ASIC2: variants seen among roughly 807,000 people sequenced by gnomAD.
ASIC2 encodes acid-sensing ion channel 2.
Under a neutral mutation model 57.3 loss-of-function variants are expected in ASIC2, and 25 were observed. That is an observed-to-expected ratio of 0.44 (90% CI 0.32 to 0.61). ASIC2 has a LOEUF of 0.61. Ranked by LOEUF, ASIC2 falls within the 20% of genes least tolerant of loss-of-function variation. ASIC2 has a pLI of 0.06. For missense variants in ASIC2, 641 were observed against 738.1 expected (o/e 0.87, Z 1.52); for synonymous variants, 319 against 307.5 (o/e 1.04, Z -0.39).
intron 1 of ASIC2, among the ~76,000 whole-genome samples, chr17:33,379,025 A>AT (rs1776485886): frequency 6.6e-6 from 1 of 152,230 alleles, no homozygotes. Flanking sequence ...CATACTTTGT[A>AT]ACTAAAAATT....
intron 1 of ASIC2, among the ~76,000 whole-genome samples, chr17:33,596,892 G>C (rs557218660): frequency 6.6e-6 from 1 of 152,344 alleles, no homozygotes; most frequent in South Asian, 2.1e-4. Context: ...TGAGAAAAGA[G>C]TACTCCAGAG....
At chr17:34,008,624 AGGAGT>A (rs1906609208) in intron 1 of ASIC2, among the ~76,000 whole-genome samples, 1 of 152,170 alleles carries the variant, frequency 6.6e-6, no homozygotes, top group Non-Finnish European at 1.5e-5. Flanking sequence ...AATGGGCCTG[AGGAGT>A]CATACATATC....
At chr17:33,384,262 C>T (rs1321109134) in intron 1 of ASIC2, among the ~76,000 whole-genome samples, 1 of 152,176 alleles carries the variant, frequency 6.6e-6, no homozygotes, top group East Asian at 1.9e-4. Context: ...AAGATTTTGT[C>T]ACATTGAAGG....
intron 1 of ASIC2, among the ~76,000 whole-genome samples, chr17:33,507,508 A>G (rs1427666635): frequency 1.3e-5 from 2 of 152,174 alleles, no homozygotes; most frequent in African/African-American, 2.4e-5. Flanking sequence ...TTTCTGTAAA[A>G]GGCCAGAGAG....
At chr17:33,867,927 T>C (rs1292391875) in intron 1 of ASIC2, among the ~76,000 whole-genome samples, 6 of 152,218 alleles carry the variant, frequency 3.9e-5, no homozygotes, top group Non-Finnish European at 5.9e-5. Flanking sequence ...GGGACCACGA[T>C]GTCAGTGGCT....
chr17:33,899,491 A>G (rs1290956231), intron 1 of ASIC2, among the ~76,000 whole-genome samples: 3 of 152,214 alleles, frequency 2.0e-5, no homozygotes, highest in African/African-American at 7.2e-5. Context: ...CAGGCAAAGC[A>G]GAAGAGAGGC....
chr17:33,098,664 A>G (rs1208238142), intron 2 of ASIC2, among the ~76,000 whole-genome samples: 3 of 152,210 alleles, frequency 2.0e-5, no homozygotes, highest in Non-Finnish European at 4.4e-5. Context: ...CATGGAGCAC[A>G]CTAGTATTTT....
At chr17:34,101,407 CTGCTTACCACTTCGTCAAG>C (rs1303064587) in intron 1 of ASIC2, among the ~76,000 whole-genome samples, 1 of 152,186 alleles carries the variant, frequency 6.6e-6, no homozygotes, top group Admixed American at 6.5e-5. Flanking sequence ...AGTACTTTTT[CTGCTTACCACTTCGTCAAG>C]TGCTTACCTG....
At chr17:33,713,059 C>T (rs1467139442) in intron 1 of ASIC2, among the ~76,000 whole-genome samples, 1 of 152,164 alleles carries the variant, frequency 6.6e-6, no homozygotes, top group East Asian at 1.9e-4. Context: ...AAGAAAGAGC[C>T]AGCCAGATGG....
At chr17:33,611,956 A>G (rs573149571) in intron 1 of ASIC2, among the ~76,000 whole-genome samples, 138 of 152,336 alleles carry the variant, frequency 9.1e-4, no homozygotes, top group African/African-American at 3.1e-3. Context: ...AGGAGAGCCA[A>G]TGGTAGAGCT....
intron 1 of ASIC2, among the ~76,000 whole-genome samples, chr17:33,124,951 GTTC>G (rs2092317459): frequency 3.6e-5 from 1 of 27,702 alleles, no homozygotes; most frequent in Admixed American, 2.3e-4. Context: ...CACATGCACA[GTTC>G]ACAATAGGGT....
chr17:33,522,624 T>G (rs774404080), intron 1 of ASIC2, among the ~76,000 whole-genome samples: 1 of 152,224 alleles, frequency 6.6e-6, no homozygotes, highest in African/African-American at 2.4e-5. Flanking sequence ...AAAGAGTCCC[T>G]CACAGGACTC....
intron 1 of ASIC2, among the ~76,000 whole-genome samples, chr17:33,599,206 G>C (rs1905063784): frequency 6.6e-6 from 1 of 152,166 alleles, no homozygotes; most frequent in African/African-American, 2.4e-5. Context: ...GGTGTGCATG[G>C]GATTAGGTGC....
At chr17:33,780,723 A>G (rs1162634726) in intron 1 of ASIC2, among the ~76,000 whole-genome samples, 1 of 152,222 alleles carries the variant, frequency 6.6e-6, no homozygotes, top group Non-Finnish European at 1.5e-5. Context: ...ACCAGGAGTC[A>G]GCTCAGGTTC....
At position 34,151,120 on chromosome 17, in the gene ASIC2, A is replaced by AT. The variant is rs757380223; in HGVS notation, c.555+4857_555+4858insA. The stretch of plus-strand genomic sequence containing the variant: ...TCCATCTCAAGAAAAAAAAAAAAAA[A>AT]AAAAATAAAGAGGTAGAGTAGGAAA... On this transcript the variant is annotated intron_variant, in intron 1 of 9. Coordinates refer to the ASIC2 transcript ENST00000359872. Among the ~76,000 whole-genome samples, 257 of 149,166 alleles carry AT rather than the reference A, an allele frequency of 1.7e-3. 1 individual carries two copies. Among genetic ancestry groups the AT allele is most frequent in the Middle Eastern group, 3.4e-3 (1 of 292 alleles).
intron 1 of ASIC2, among the ~76,000 whole-genome samples, chr17:33,262,097 G>A (rs553383700): frequency 3.3e-5 from 5 of 152,312 alleles, no homozygotes; most frequent in African/African-American, 7.2e-5. Flanking sequence ...GTCTGTGCTC[G>A]GCGCCATGTA....
At chr17:34,002,115 T>C (rs1906365643) in intron 1 of ASIC2, 1 of 152,258 alleles carries the variant, frequency 6.6e-6, no homozygotes, top group South Asian at 2.1e-4. Context: ...ATTTTGAGTC[T>C]CTATTCTTGT....
intron 1 of ASIC2, among the ~76,000 whole-genome samples, chr17:33,193,433 C>T (rs975656223): frequency 4.6e-5 from 7 of 152,164 alleles, no homozygotes; most frequent in African/African-American, 9.7e-5. Context: ...CACATCCCTC[C>T]GGAGGCTTTA....
At chr17:33,697,251 C>T (rs1908557173) in intron 1 of ASIC2, among the ~76,000 whole-genome samples, 1 of 152,194 alleles carries the variant, frequency 6.6e-6, no homozygotes, top group Non-Finnish European at 1.5e-5. Flanking sequence ...ATAAATTACC[C>T]AGTCTCAGGT....
Sources: allele counts gnomAD v4.1 joint callset (sites outside exome capture counted in the v4.1 genomes callset), GRCh38; gene constraint gnomAD v4.1.1; transcripts MANE v1.5; gene names NCBI Gene and HGNC (gene_info 2026-07-23, HGNC 2026-07-21).